WDPCP: variants seen among roughly 807,000 people sequenced by gnomAD.
The protein encoded by WDPCP is WD repeat containing planar cell polarity effector.
Under a neutral mutation model 93.1 loss-of-function variants are expected in WDPCP, and 71 were observed. The observed-to-expected ratio is 0.76, with a 90% CI of 0.63 to 0.93. The LOEUF (loss-of-function observed/expected upper bound fraction) is 0.93. Ranked by LOEUF, WDPCP falls within the 40% of genes least tolerant of loss-of-function variation. The pLI, the probability that WDPCP is intolerant of heterozygous loss-of-function variation, is 0.00. For synonymous variants in WDPCP, 315 were observed against 315.0 expected, an observed-to-expected ratio of 1.00 and a Z score of 0.00; for missense variants, 844 against 887.4, an observed-to-expected ratio of 0.95 and a Z score of 0.62.
upstream of WDPCP, among the ~76,000 whole-genome samples, chr2:63,828,136 TTCTTTA>T (rs1671140212): frequency 6.6e-6 from 1 of 152,100 alleles, no homozygotes; most frequent in Non-Finnish European, 1.5e-5. Context: ...TTTAGATCTC[TTCTTTA>T]TCTTTATTTA....
chr2:63,718,997 ATGAACAGACT>A (rs1051198889), intron 2 of WDPCP, among the ~76,000 whole-genome samples: 2 of 152,214 alleles, frequency 1.3e-5, no homozygotes, highest in East Asian at 3.8e-4. Flanking sequence ...ACAAACAAAA[ATGAACAGACT>A]TAAAAGAAGA....
intron 1 of WDPCP, among the ~76,000 whole-genome samples, chr2:63,527,425 T>C (rs1027587271): frequency 7.4e-6 from 1 of 134,544 alleles, no homozygotes; most frequent in Non-Finnish European, 1.5e-5. Flanking sequence ...AGTATCCAAG[T>C]GTTCTCACTG....
At chr2:63,319,197 T>G (rs956038643) in intron 12 of WDPCP, among the ~76,000 whole-genome samples, 1 of 152,228 alleles carries the variant, frequency 6.6e-6, no homozygotes, top group African/African-American at 2.4e-5. Flanking sequence ...TCAGAGCCTA[T>G]GTCCAGAACA....
At chr2:63,455,441 C>G (rs1234375692) in intron 6 of WDPCP, among the ~76,000 whole-genome samples, 1 of 142,598 alleles carries the variant, frequency 7.0e-6, no homozygotes. Context: ...TATATATATA[C>G]ACACACACAC....
intron 2 of WDPCP, among the ~76,000 whole-genome samples, chr2:63,672,286 G>A (rs1710356645): frequency 6.6e-6 from 1 of 152,078 alleles, no homozygotes; most frequent in African/African-American, 2.4e-5. Flanking sequence ...AGCTCATCTT[G>A]GATCAAAAAG....
intron 1 of WDPCP, among the ~76,000 whole-genome samples, chr2:63,515,834 A>G (rs1282303610): frequency 6.6e-6 from 1 of 152,174 alleles, no homozygotes; most frequent in Non-Finnish European, 1.5e-5. Context: ...AGCCTGGTCA[A>G]CATGGTGAAA....
rs553513874 is a variant in WDPCP at position 63,510,553 on chromosome 2, T to G, written c.76-17613A>C. On this transcript the variant is annotated intron_variant, in intron 1 of 17. Transcript: ENST00000272321. Reference sequence around the variant, plus strand: ...AGGATGCCCTCTCTCACCACTCCTATTCAACACAGTATTGGAAGTTCTGGC... The same window carrying G: ...AGGATGCCCTCTCTCACCACTCCTAGTCAACACAGTATTGGAAGTTCTGGC... Among the ~76,000 whole-genome samples the G allele has an allele frequency of 1.3e-3, 198 of 152,300 alleles. 1 individual carries two copies. Among genetic ancestry groups the G allele is most frequent in the Non-Finnish European group, 1.6e-3 (108 of 68,024 alleles).
intron 2 of WDPCP, among the ~76,000 whole-genome samples, chr2:63,706,761 C>T (rs1482508862): frequency 4.6e-5 from 7 of 151,146 alleles, no homozygotes; most frequent in South Asian, 2.1e-4. Context: ...GGACTACAGG[C>T]GCCCGCCACC....
chr2:63,286,166 C>A (rs531462079), intron 13 of WDPCP, among the ~76,000 whole-genome samples: 2 of 152,176 alleles, frequency 1.3e-5, no homozygotes, highest in East Asian at 1.9e-4. Flanking sequence ...CCACCACACT[C>A]AAATTTTTAA....
At chr2:63,416,504 C>CCCTTAAAATGATATGAT (rs375812264) in intron 9 of WDPCP, among the ~76,000 whole-genome samples, 1 of 149,320 alleles carries the variant, frequency 6.7e-6, no homozygotes, top group Non-Finnish European at 1.5e-5. Flanking sequence ...TTGGATATGA[C>CCCTTAAAATGATATGAT]ATTAGCATTA....
At chr2:63,446,920 G>A (rs914968497) in intron 6 of WDPCP, among the ~76,000 whole-genome samples, 2 of 152,176 alleles carry the variant, frequency 1.3e-5, no homozygotes, top group African/African-American at 4.8e-5. Flanking sequence ...AATGAGCAAT[G>A]TCTATGATGC....
chr2:63,142,908 A>G (rs1671196886), intron 17 of WDPCP, among the ~76,000 whole-genome samples: 2 of 141,004 alleles, frequency 1.4e-5, no homozygotes, highest in African/African-American at 2.8e-5. Flanking sequence ...ACATACATAT[A>G]TATACACATA....
intron 14 of WDPCP, among the ~76,000 whole-genome samples, chr2:63,195,243 C>T (rs186685403): frequency 8.5e-5 from 13 of 152,090 alleles, no homozygotes; most frequent in African/African-American, 1.4e-4. Context: ...GTTTCATATA[C>T]GCAAATTTAC....
chr2:63,263,532 T>A (rs1046880488), intron 13 of WDPCP, among the ~76,000 whole-genome samples: 2 of 152,124 alleles, frequency 1.3e-5, no homozygotes, highest in African/African-American at 4.8e-5. Context: ...CCCAGCACCA[T>A]GCTCTCAGAC....
At chr2:63,822,038 T>C (rs991641053) in intron 1 of WDPCP, among the ~76,000 whole-genome samples, 4 of 152,112 alleles carry the variant, frequency 2.6e-5, no homozygotes, top group Admixed American at 1.3e-4. Flanking sequence ...AGAAAAGAGA[T>C]GGGGTTTGTG....
At chr2:63,487,368 G>GA in intron 3 of WDPCP, 79 bp downstream of exon 3, 1 of 1,025,472 alleles carries the variant, frequency 9.8e-7, no homozygotes, top group East Asian at 2.5e-5. Context: ...CTCATGAGAA[G>GA]AGAGCTTTTA....
At chr2:63,798,816 G>A (rs570545706) in intron 2 of WDPCP, among the ~76,000 whole-genome samples, 6 of 152,166 alleles carry the variant, frequency 3.9e-5, no homozygotes, top group East Asian at 3.9e-4. Context: ...CCAGTGATCC[G>A]TTGCCTCTAA....
chr2:63,491,805 A>G (rs935701144), intron 2 of WDPCP, among the ~76,000 whole-genome samples: 11 of 152,240 alleles, frequency 7.2e-5, no homozygotes, highest in South Asian at 6.2e-4. Flanking sequence ...AAATTTCTGT[A>G]TCTTTCCAGA....
chr2:63,684,431 G>T, intron 2 of WDPCP: 1 of 851,088 alleles, frequency 1.2e-6, no homozygotes, highest in Non-Finnish European at 2.0e-6. Flanking sequence ...GCCACCTCTG[G>T]TGGCTGGAAT....
Sources: allele counts gnomAD v4.1 joint callset (sites outside exome capture counted in the v4.1 genomes callset), GRCh38; gene constraint gnomAD v4.1.1; transcripts MANE v1.5; gene names NCBI Gene and HGNC (gene_info 2026-07-23, HGNC 2026-07-21).